The following ARHGEF10L variants were observed in gnomAD, a reference collection of about 807,000 sequenced individuals.
ARHGEF10L encodes the protein Rho guanine nucleotide exchange factor 10 like.
In ARHGEF10L, 69 loss-of-function variants were observed where a neutral mutation model predicts 141.2. The observed-to-expected ratio is 0.49, with a 90% CI of 0.40 to 0.60. The LOEUF (loss-of-function observed/expected upper bound fraction) is 0.60. Among genes scored for constraint, ARHGEF10L ranks in the 20% least tolerant of loss-of-function variants. ARHGEF10L has a pLI of 0.00. For missense variants in ARHGEF10L, 1,482 were observed against 1,734.3 expected, an observed-to-expected ratio of 0.85 and a Z score of 2.58; for synonymous variants, 711 against 718.5, an observed-to-expected ratio of 0.99 and a Z score of 0.17.
Position 17,585,176 on chromosome 1 carries a change from A to T in ARHGEF10L, c.38-2284A>T, listed in dbSNP as rs926036034. Among the ~76,000 whole-genome samples the T allele has an allele frequency of 7.9e-5, 12 of 152,286 alleles. No homozygotes were observed. The East Asian group carries it at 2.3e-3, about 29-fold the overall frequency. On this transcript the variant is annotated intron_variant, in intron 2 of 28. Coordinates refer to ENST00000361221, the MANE Select transcript of ARHGEF10L (RefSeq NM_018125.4). ...AACTTATGAGCTACCAGGGGTTGGGAACTGCGTCCGAAAACCACAGATCCA... is the reference window on the plus strand; with the variant it reads ...AACTTATGAGCTACCAGGGGTTGGGTACTGCGTCCGAAAACCACAGATCCA...
Position 17,608,103 on chromosome 1 carries a change from C to T in ARHGEF10L, c.609+126C>T, listed in dbSNP as rs887795264. 47 of 1,035,236 alleles carry T rather than the reference C, an allele frequency of 4.5e-5. No individual in the cohort carries two copies. The East Asian group carries it at 1.3e-3, about 29-fold the overall frequency. The allele number at this position is 1,035,236 out of a possible 1,614,324, so 64.1% of individuals were successfully genotyped here. A position where few individuals can be genotyped will look rare whatever the true frequency, so the allele number is the denominator to read the frequency against. ...CTCACGTCTGGGTCCCAGGGATTCC[C>T]GGGTATGTGTGGTGAGAGGGGAGCC... On this transcript the variant is annotated intron_variant, in intron 7 of 28. Coordinates refer to ENST00000361221, the MANE Select transcript of ARHGEF10L (RefSeq NM_018125.4).
intron 26 of ARHGEF10L, among the ~76,000 whole-genome samples, chr1:17,680,701 A>G (rs1399111261): frequency 6.8e-6 from 1 of 146,768 alleles, no homozygotes; most frequent in African/African-American, 2.5e-5. Flanking sequence ...GGGATCTGGG[A>G]GCTGGAGGAG....
chr1:17,601,087 A>G (rs1184921020), intron 4 of ARHGEF10L, among the ~76,000 whole-genome samples: 2 of 151,518 alleles, frequency 1.3e-5, no homozygotes, highest in Non-Finnish European at 2.9e-5. Context: ...AAAAAACTCT[A>G]AAAAAACAAA....
chr1:17,554,738 T>C (rs1325718978), intron 1 of ARHGEF10L, among the ~76,000 whole-genome samples: 1 of 152,072 alleles, frequency 6.6e-6, no homozygotes, highest in Non-Finnish European at 1.5e-5. Context: ...TACAGGCACA[T>C]GCCAACATGC....
intron 7 of ARHGEF10L, among the ~76,000 whole-genome samples, chr1:17,609,014 C>T (rs552692647): frequency 6.6e-6 from 1 of 152,296 alleles, no homozygotes; most frequent in African/African-American, 2.4e-5. Flanking sequence ...AACTCCTGGC[C>T]TCAAGTGATC....
rs548939948 is a variant in ARHGEF10L, at chr1:17,588,455, C to T, written c.233C>T (p.Pro78Leu). 1.9e-6 allele frequency: 3 copies of T among 1,614,040 alleles called. No homozygotes were observed. The African/African-American group carries it at 4.0e-5, about 22-fold the overall frequency. ...LDSIPVTDPDPAAAPPGTGVP... is the reference protein window; with the variant it reads ...LDSIPVTDPDLAAAPPGTGVP... ...TGCTCTTCTTTTGCAGACCCAGACC[C>T]AGCAGCTGCTCCACCCGGCACAGGG... The change falls in exon 4 of 29, where the codon CCA becomes CTA. Residue 78 changes from proline (P) to leucine (L), a missense_variant. Pro to Leu is a moderately conservative substitution (Grantham distance 98). This residue lies in a region of ARHGEF10L where 232 missense variants were observed against 225.9 expected (regional missense o/e 1.03). Transcript: ENST00000361221.
At chr1:17,634,404 A>G in intron 16 of ARHGEF10L, 144 bp from the exon 17 acceptor site, 2 of 1,368,776 alleles carry the variant, frequency 1.5e-6, no homozygotes, top group Non-Finnish European at 2.1e-6. Flanking sequence ...CTGGCCTCTG[A>G]TGCCCTCATT....
chr1:17,696,769 C>T, intron 28 of ARHGEF10L, 79 bp from the exon 29 acceptor site: 1 of 1,372,042 alleles, frequency 7.3e-7, no homozygotes, highest in South Asian at 1.5e-5. Flanking sequence ...CCAGAATGTT[C>T]TCCAGGAGAG....
Position 17,639,278 on chromosome 1 carries a change from G to C in ARHGEF10L, c.2171+589G>C, listed in dbSNP as rs2101812627. On this transcript the variant is annotated intron_variant, in intron 20 of 28. Coordinates refer to ENST00000361221, the MANE Select transcript of ARHGEF10L (RefSeq NM_018125.4). The surrounding 1 kb of genome is among the most constrained non-coding windows in gnomAD (Gnocchi z 4.3). ...CTCAGAGTTTCAGGAGAGGCTGAAG[G>C]CCACATCGTGAGAGACAGAGCTGGG... is the stretch of plus-strand genomic sequence containing the variant. Among the ~76,000 whole-genome samples the C allele has an allele frequency of 6.6e-6, 1 of 152,340 alleles. No individual in the cohort carries two copies. The highest frequency in any genetic ancestry group is 1.9e-4 in the East Asian group (1 of 5,180).
Position 17,656,610 on chromosome 1 carries a change from G to C in ARHGEF10L, c.2762G>C (p.Ser921Thr), listed in dbSNP as rs1444703898. 6.2e-7 allele frequency: 1 copy of C among 1,613,094 alleles called. No homozygotes were observed. Among genetic ancestry groups the C allele is most frequent in the African/African-American group, 1.3e-5 (1 of 74,908 alleles). Reference protein sequence around the residue: ...TGTQCLVSCRSPGLQPVLCLR... With the variant: ...TGTQCLVSCRTPGLQPVLCLR... ...ACCCAGTGCCTGGTGAGCTGCAGGA[G>C]CCCAGGTCTGCAGCCTGTGCTCTGC... Residue 921 changes from serine to threonine, a missense_variant, in exon 25 of 29, where the codon AGC becomes ACC. By Grantham distance (58) the Ser-to-Thr change is moderately conservative. This residue lies in a region of ARHGEF10L where 858 missense variants were observed against 966.3 expected (regional missense o/e 0.89). Transcript: ENST00000361221. This position sits in a 1 kb window ranked among gnomAD's most constrained non-coding sequence, Gnocchi z 4.9.
intron 25 of ARHGEF10L, among the ~76,000 whole-genome samples, chr1:17,661,839 G>A (rs1172533396): frequency 6.6e-6 from 1 of 152,170 alleles, no homozygotes; most frequent in Non-Finnish European, 1.5e-5. Context: ...GGCCGCCTTC[G>A]GGTCACTCGC....
rs2059784236 is a variant in ARHGEF10L, at chr1:17,615,941, C to T, written c.727-153C>T. Reference sequence around the variant, plus strand: ...GGGCATGAACGCACCTTCTCACCCCCACTGTCGTCCTTGGCCTTTGCTCAC... The same window carrying T: ...GGGCATGAACGCACCTTCTCACCCCTACTGTCGTCCTTGGCCTTTGCTCAC... On this transcript the variant is annotated intron_variant, in intron 8 of 28. Transcript: ENST00000361221. The surrounding 1 kb of genome is among the most constrained non-coding windows in gnomAD (Gnocchi z 4.7). 1.5e-6 allele frequency: 1 copy of T among 654,898 alleles called. No individual in the cohort carries two copies. The highest frequency in any genetic ancestry group is 2.6e-5 in the East Asian group (1 of 38,406). The allele number at this position is 654,898 out of a possible 1,614,324, so 40.6% of individuals were successfully genotyped here.
rs1391098668 is a variant in ARHGEF10L, at chr1:17,598,294, G to T, written c.258-3833G>T. ...TTTTTGTATTTTTGGTAGAGACAGA[G>T]TTTCACCATATTGGCCAGGCTGGTC... On this transcript the variant is annotated intron_variant, in intron 4 of 28. Coordinates refer to ENST00000361221, the MANE Select transcript of ARHGEF10L (RefSeq NM_018125.4). 3.3e-5 allele frequency among the ~76,000 whole-genome samples: 5 copies of T among 152,070 alleles called. No individual in the cohort carries two copies. The East Asian group carries it at 9.6e-4, about 29-fold the overall frequency.
intron 26 of ARHGEF10L, among the ~76,000 whole-genome samples, chr1:17,668,584 T>G (rs1273520751): frequency 6.6e-6 from 1 of 152,202 alleles, no homozygotes; most frequent in Admixed American, 6.5e-5. Context: ...GCCTTTCACC[T>G]GCTTTGCACA....
At chr1:17,677,005 T>G (rs1386453198) in intron 26 of ARHGEF10L, among the ~76,000 whole-genome samples, 1 of 152,028 alleles carries the variant, frequency 6.6e-6, no homozygotes, top group Non-Finnish European at 1.5e-5. Context: ...AACAGGACTC[T>G]GGGCATCTCC....
At chr1:17,691,029 C>A in intron 27 of ARHGEF10L, 1 of 374,652 alleles carries the variant, frequency 2.7e-6, no homozygotes, top group South Asian at 1.9e-5. Context: ...CAATTTATTG[C>A]ACTTCCTTCC....
At chr1:17,514,255 C>A in the ARHGEF10L span, among the ~76,000 whole-genome samples, 3 of 149,856 alleles carry the variant, frequency 2.0e-5, no homozygotes. Flanking sequence ...CCTGCCTCAG[C>A]CTCCCGAGTA....
At chr1:17,529,745 G>A in the ARHGEF10L span, among the ~76,000 whole-genome samples, 1 of 151,794 alleles carries the variant, frequency 6.6e-6, no homozygotes, top group Non-Finnish European at 1.5e-5. Flanking sequence ...GCTCTAAGCA[G>A]AGCAGCCAGG....
chr1:17,597,083 G>A (rs1038370982), intron 4 of ARHGEF10L, among the ~76,000 whole-genome samples: 1 of 152,084 alleles, frequency 6.6e-6, no homozygotes, highest in African/African-American at 2.4e-5. Flanking sequence ...GGGGGTGCTG[G>A]GAGGGGTCCT....
Sources: allele counts gnomAD v4.1 joint callset (sites outside exome capture counted in the v4.1 genomes callset), GRCh38; gene constraint gnomAD v4.1.1; regional missense constraint gnomAD v4.1.1; non-coding constraint Gnocchi (gnomAD v3.1); transcripts MANE v1.5; gene names NCBI Gene and HGNC (gene_info 2026-07-23, HGNC 2026-07-21).